TMEM87A: variants seen among roughly 807,000 people sequenced by gnomAD.
The protein encoded by TMEM87A is transmembrane protein 87A.
TMEM87A carries 50 observed loss-of-function variants against 90.0 expected under a neutral mutation model. The ratio of observed to expected loss-of-function variants is 0.56; its 90% CI spans 0.44 to 0.70. TMEM87A has a LOEUF of 0.70. Among genes scored for constraint, TMEM87A ranks in the 30% least tolerant of loss-of-function variants. The pLI is 0.00. For missense variants in TMEM87A, 577 were observed against 660.5 expected (o/e 0.87, Z 1.39); for synonymous variants, 226 against 226.7 (o/e 1.00, Z 0.03).
chr15:42,259,520 C>T (rs1206338346), intron 6 of TMEM87A, among the ~76,000 whole-genome samples: 1 of 152,210 alleles, frequency 6.6e-6, no homozygotes, highest in Non-Finnish European at 1.5e-5. Flanking sequence ...CAACCCTGTA[C>T]TCAAAGCATT....
intron 11 of TMEM87A, chr15:42,231,914 T>C (rs1318981097): frequency 8.7e-6 from 11 of 1,270,664 alleles, no homozygotes; most frequent in Non-Finnish European, 1.0e-5. Flanking sequence ...ATAAGAAAAA[T>C]ACTATAGCAA....
At chr15:42,258,594 T>C (rs2051227566) in intron 6 of TMEM87A, 1 of 515,108 alleles carries the variant, frequency 1.9e-6, no homozygotes, top group Non-Finnish European at 2.6e-6. Context: ...GAGCAACTAA[T>C]TTTTGTATTT....
intron 6 of TMEM87A, among the ~76,000 whole-genome samples, chr15:42,254,968 T>A (rs1389762729): frequency 6.7e-6 from 1 of 149,412 alleles, no homozygotes; most frequent in Non-Finnish European, 1.5e-5. Context: ...GGTCTCCTTT[T>A]TTTTTTTTTT....
At chr15:42,237,670 C>A in intron 8 of TMEM87A, 55 bp from the exon 9 acceptor site, 1 of 1,364,278 alleles carries the variant, frequency 7.3e-7, no homozygotes, top group African/African-American at 1.5e-5. Context: ...AGAGCCAAGT[C>A]TGTAGATTTA....
chr15:42,239,530 A>T (rs2050833784), intron 8 of TMEM87A, 140 bp downstream of exon 8: 2 of 727,710 alleles, frequency 2.7e-6, no homozygotes, highest in Non-Finnish European at 2.4e-6. Context: ...GTCTAATAAG[A>T]AATAAATCCA....
At chr15:42,233,745 T>C (rs1397838421) in intron 10 of TMEM87A, among the ~76,000 whole-genome samples, 1 of 152,140 alleles carries the variant, frequency 6.6e-6, no homozygotes, top group African/African-American at 2.4e-5. Flanking sequence ...ACCTTATTTT[T>C]CTTTGGTATT....
At chr15:42,268,922 G>T (rs1336209414) in intron 2 of TMEM87A, among the ~76,000 whole-genome samples, 1 of 152,102 alleles carries the variant, frequency 6.6e-6, no homozygotes, top group Non-Finnish European at 1.5e-5. Flanking sequence ...GACCTTGAAA[G>T]ATATCAAGAT....
chr15:42,232,801 A>C (rs1277361862), intron 11 of TMEM87A: 1 of 153,860 alleles, frequency 6.5e-6, no homozygotes, highest in Non-Finnish European at 1.4e-5. Flanking sequence ...ATTTTAAGGA[A>C]GTTTTTGAAA....
At chr15:42,265,519 T>TG (rs2051385579) in intron 3 of TMEM87A, among the ~76,000 whole-genome samples, 1 of 152,188 alleles carries the variant, frequency 6.6e-6, no homozygotes, top group African/African-American at 2.4e-5. Context: ...GAAAAGTGTC[T>TG]GTTCATGTCC....
At chr15:42,225,031 A>G (rs1233776639) in intron 15 of TMEM87A, among the ~76,000 whole-genome samples, 1 of 152,230 alleles carries the variant, frequency 6.6e-6, no homozygotes, top group African/African-American at 2.4e-5. Context: ...CCAGAATGTA[A>G]AAGTTCTTTC....
At chr15:42,228,862 T>A (rs769786640) in intron 12 of TMEM87A, 42 bp from the exon 13 acceptor site, 1 of 1,418,770 alleles carries the variant, frequency 7.0e-7, no homozygotes, top group Non-Finnish European at 9.6e-7. Context: ...GAAAAAACAG[T>A]AAGCTAGCCA....
chr15:42,226,966 T>C lies in TMEM87A; in HGVS notation c.1300-57A>G, dbSNP rs888327370. 3.9e-6 allele frequency: 6 copies of C among 1,528,420 alleles called. No homozygotes were observed. The African/African-American group carries it at 8.2e-5, about 21-fold the overall frequency. 94.7% of individuals were successfully genotyped at this position (1,528,420 alleles called of 1,614,324 possible). On this transcript the variant is annotated intron_variant, in intron 14 of 19. Coordinates refer to ENST00000389834, the MANE Select transcript of TMEM87A (RefSeq NM_015497.5). Reference sequence around the variant, plus strand: ...ACACATTATCTTAACCCCTTGTTCATAAAGCCTTTGGCATAGAACAAAAAT... The same window carrying C: ...ACACATTATCTTAACCCCTTGTTCACAAAGCCTTTGGCATAGAACAAAAAT...
Position 42,218,339 on chromosome 15 carries a change from A to G in TMEM87A, c.1579T>C (p.Ser527Pro), listed in dbSNP as rs775857437. The G allele has an allele frequency of 6.8e-6, 11 of 1,613,702 alleles. No individual in the cohort carries two copies. The change falls in exon 18 of 20, where the codon TCT becomes CCT. Residue 527 changes from serine to proline, a missense_variant. Transcript: ENST00000389834. ...AAAACTTACACATCTGTCACAGAAG[A>G]AGGAACATTCTCTTCTACCCACTTC... ...DLKWVEENVP[S>P]SVTDVALPAL...
chr15:42,221,633 G>A (rs2050487151), intron 15 of TMEM87A, among the ~76,000 whole-genome samples: 1 of 152,090 alleles, frequency 6.6e-6, no homozygotes, highest in South Asian at 2.1e-4. Context: ...TACTGAGGAG[G>A]CTGAGGTAGG....
At chr15:42,221,285 GAGAGAGAGAGAC>G (rs1566922639) in intron 15 of TMEM87A, among the ~76,000 whole-genome samples, 351 of 148,178 alleles carry the variant, frequency 2.4e-3, no homozygotes, top group African/African-American at 8.2e-3. Context: ...GAGAGAGAGA[GAGAGAGAGAGAC>G]AGAGAGAGAG....
At chr15:42,245,520 C>CTTTTTTTTT (rs550453415) in intron 6 of TMEM87A, among the ~76,000 whole-genome samples, 1 of 118,430 alleles carries the variant, frequency 8.4e-6, no homozygotes, top group Non-Finnish European at 1.7e-5. Context: ...ACATTTATTA[C>CTTTTTTTTT]TTTTTTTTTT....
At chr15:42,226,497 G>T in intron 15 of TMEM87A, 1 of 308,600 alleles carries the variant, frequency 3.2e-6, no homozygotes, top group African/African-American at 2.1e-5. Flanking sequence ...AACCAAACTT[G>T]CAATTTATTT....
chr15:42,262,388 C>T (rs556993418), intron 4 of TMEM87A: 14 of 151,868 alleles, frequency 9.2e-5, no homozygotes, highest in Admixed American at 5.2e-4. Context: ...ATAATAAAAG[C>T]GGAACTCTTC....
chr15:42,222,306 T>C (rs1338396896), intron 15 of TMEM87A, among the ~76,000 whole-genome samples: 1 of 151,650 alleles, frequency 6.6e-6, no homozygotes, highest in East Asian at 2.0e-4. Flanking sequence ...ATCTGTCCGC[T>C]TCAGCCTCCC....
Sources: allele counts gnomAD v4.1 joint callset (sites outside exome capture counted in the v4.1 genomes callset), GRCh38; gene constraint gnomAD v4.1.1; transcripts MANE v1.5; gene names NCBI Gene and HGNC (gene_info 2026-07-23, HGNC 2026-07-21).